Variants in CCR3 observed in about 807,000 individuals in gnomAD.
CCR3 encodes C-C chemokine receptor type 3.
For synonymous variants in CCR3, 203 were observed against 179.2 expected, an observed-to-expected ratio of 1.13 and a Z score of -1.06; for missense variants, 419 against 437.5, an observed-to-expected ratio of 0.96 and a Z score of 0.38.
chr3:46,217,419 C>T (rs1056545204), intron 2 of CCR3, among the ~76,000 whole-genome samples: 6 of 152,064 alleles, frequency 3.9e-5, no homozygotes, highest in Non-Finnish European at 7.4e-5. Context: ...GATAGAAAGT[C>T]AACAAAGAAA....
intron 1 of CCR3, among the ~76,000 whole-genome samples, chr3:46,262,388 G>A (rs200852481): frequency 5.3e-5 from 8 of 152,230 alleles, no homozygotes; most frequent in African/African-American, 1.9e-4. Flanking sequence ...CTTGCACACG[G>A]GCATCCATAT....
intron 1 of CCR3, among the ~76,000 whole-genome samples, chr3:46,251,552 G>T (rs1338661723): frequency 7.9e-5 from 12 of 152,140 alleles, no homozygotes; most frequent in Non-Finnish European, 1.5e-4. Flanking sequence ...AGAACAGGAG[G>T]ACAGGGGATT....
intron 2 of CCR3, among the ~76,000 whole-genome samples, chr3:46,218,370 G>A (rs1375301212): frequency 2.6e-5 from 4 of 151,634 alleles, no homozygotes; most frequent in Non-Finnish European, 5.9e-5. Context: ...CAGATGGATT[G>A]ACAGCTTGAA....
chr3:46,233,108 G>A (rs767955871), intron 2 of CCR3, among the ~76,000 whole-genome samples: 3 of 152,246 alleles, frequency 2.0e-5, no homozygotes, highest in Non-Finnish European at 2.9e-5. Flanking sequence ...TGGGATTACT[G>A]GCGTGAGCCA....
At chr3:46,227,314 G>T (rs1699912092) in intron 2 of CCR3, among the ~76,000 whole-genome samples, 1 of 142,896 alleles carries the variant, frequency 7.0e-6, no homozygotes, top group Admixed American at 7.2e-5. Flanking sequence ...TCCTTTTAAT[G>T]GCTGAAGAAG....
At chr3:46,263,239 T>C (rs1700559763) in intron 1 of CCR3, among the ~76,000 whole-genome samples, 1 of 152,180 alleles carries the variant, frequency 6.6e-6, no homozygotes, top group Non-Finnish European at 1.5e-5. Flanking sequence ...AAAAGGAAAA[T>C]AAATACAAAT....
At chr3:46,245,466 T>TAA (rs572869147) in intron 1 of CCR3, among the ~76,000 whole-genome samples, 3 of 141,278 alleles carry the variant, frequency 2.1e-5, no homozygotes, top group Non-Finnish European at 3.1e-5. Flanking sequence ...ACCCTTTAAT[T>TAA]AAAAAAAAAA....
intron 2 of CCR3, among the ~76,000 whole-genome samples, chr3:46,230,778 T>A (rs1398691164): frequency 6.6e-6 from 1 of 152,164 alleles, no homozygotes. Context: ...AAAGTCATCT[T>A]TATCGGTGTT....
At chr3:46,241,558 G>C (rs1700085772), upstream of CCR3, among the ~76,000 whole-genome samples, 1 of 152,180 alleles carries the variant, frequency 6.6e-6, no homozygotes, top group Non-Finnish European at 1.5e-5. Flanking sequence ...ATTCTGCAGA[G>C]ACTTTTCACA....
intron 1 of CCR3, among the ~76,000 whole-genome samples, chr3:46,262,461 C>T (rs917073984): frequency 6.6e-6 from 1 of 152,066 alleles, no homozygotes; most frequent in African/African-American, 2.4e-5. Context: ...TTTTTACTTT[C>T]GTTTTTGTGC....
intron 2 of CCR3, among the ~76,000 whole-genome samples, chr3:46,233,700 G>A (rs971341975): frequency 1.3e-5 from 2 of 152,168 alleles, no homozygotes; most frequent in African/African-American, 4.8e-5. Flanking sequence ...CCCGTGGTAG[G>A]AAAAGCCAGG....
At chr3:46,251,539 C>T (rs1575503769) in intron 1 of CCR3, among the ~76,000 whole-genome samples, 1 of 152,200 alleles carries the variant, frequency 6.6e-6, no homozygotes, top group East Asian at 1.9e-4. Context: ...TCTCACGGAG[C>T]AAAGAACAGG....
chr3:46,223,296 T>A (rs922806643), intron 2 of CCR3, among the ~76,000 whole-genome samples: 1 of 152,206 alleles, frequency 6.6e-6, no homozygotes, highest in African/African-American at 2.4e-5. Flanking sequence ...GCCGAGATCG[T>A]GCCACTGCAC....
chr3:46,241,107 T>C (rs1700076742), upstream of CCR3, among the ~76,000 whole-genome samples: 3 of 152,192 alleles, frequency 2.0e-5, no homozygotes, highest in South Asian at 6.2e-4. Flanking sequence ...CCCTTTCTTC[T>C]CTTTCTCTCA....
chr3:46,253,035 C>T (rs560707192), intron 1 of CCR3, among the ~76,000 whole-genome samples: 80 of 152,236 alleles, frequency 5.3e-4, no homozygotes, highest in Non-Finnish European at 8.4e-4. Context: ...GAGAGCCAGA[C>T]CCCATCTCCA....
At chr3:46,211,871 T>C (rs891492820) in intron 2 of CCR3, among the ~76,000 whole-genome samples, 2 of 152,314 alleles carry the variant, frequency 1.3e-5, no homozygotes, top group South Asian at 2.1e-4. Flanking sequence ...GCAGTGACTA[T>C]AGCCTCTCGA....
At chr3:46,218,063 A>G (rs746733811) in intron 2 of CCR3, among the ~76,000 whole-genome samples, 1 of 152,086 alleles carries the variant, frequency 6.6e-6, no homozygotes, top group Admixed American at 6.6e-5. Flanking sequence ...AAATCGATAG[A>G]CCATTAGCAA....
chr3:46,233,273 C>A (rs1398712247), intron 2 of CCR3, among the ~76,000 whole-genome samples: 1 of 152,184 alleles, frequency 6.6e-6, no homozygotes, highest in East Asian at 1.9e-4. Flanking sequence ...AGAAAAGTGA[C>A]AGTAAACACA....
intron 2 of CCR3, among the ~76,000 whole-genome samples, chr3:46,218,525 A>G (rs1699800989): frequency 6.6e-6 from 1 of 152,154 alleles, no homozygotes; most frequent in Non-Finnish European, 1.5e-5. Context: ...GACGTAATGA[A>G]AAAAGAAAAC....
Sources: gnomAD v4.1 joint callset for allele counts (sites outside exome capture counted in the v4.1 genomes callset) on GRCh38, gnomAD v4.1.1 for gene constraint, MANE v1.5 for transcripts, NCBI Gene and HGNC (gene_info 2026-07-23, HGNC 2026-07-21) for gene names.